TSPAN12: variants seen among roughly 807,000 people sequenced by gnomAD.
TSPAN12 encodes the protein tetraspanin-12.
A neutral mutation model predicts 39.2 loss-of-function variants in TSPAN12; 19 were observed. The ratio of observed to expected loss-of-function variants is 0.49; its 90% CI spans 0.34 to 0.71. The LOEUF (loss-of-function observed/expected upper bound fraction) is 0.71. Ranked by LOEUF, TSPAN12 falls within the 30% of genes least tolerant of loss-of-function variation. TSPAN12 has a pLI of 0.01. For synonymous variants in TSPAN12, 119 were observed against 124.8 expected (o/e 0.95, Z 0.31); for missense variants, 314 against 359.9 (o/e 0.87, Z 1.03).
intron 7 of TSPAN12, among the ~76,000 whole-genome samples, chr7:120,796,971 T>C (rs1348559695): frequency 1.3e-5 from 2 of 152,080 alleles, no homozygotes; most frequent in Admixed American, 6.6e-5. Flanking sequence ...CTGGCTAACA[T>C]GGTGAAACCC....
At chr7:120,830,277 T>G (rs947470981) in intron 4 of TSPAN12, among the ~76,000 whole-genome samples, 10 of 152,144 alleles carry the variant, frequency 6.6e-5, no homozygotes, top group Non-Finnish European at 1.5e-4. Flanking sequence ...ATGTCATTTT[T>G]TTACAGAAAC....
intron 5 of TSPAN12, among the ~76,000 whole-genome samples, chr7:120,815,517 T>G (rs1794062245): frequency 6.6e-6 from 1 of 152,164 alleles, no homozygotes; most frequent in Non-Finnish European, 1.5e-5. Flanking sequence ...CCTCCCACCA[T>G]GTGAAGAAGG....
intron 2 of TSPAN12, among the ~76,000 whole-genome samples, chr7:120,853,844 A>T (rs1794817328): frequency 6.7e-6 from 1 of 149,768 alleles, no homozygotes. Context: ...ACTGGACTGC[A>T]GCCTGGTGAC....
Position 120,847,244 on chromosome 7 carries a change from A to C in TSPAN12, c.67-7135T>G, listed in dbSNP as rs118022204. 2.2e-3 allele frequency among the ~76,000 whole-genome samples: 327 copies of C among 151,398 alleles called. 10 individuals carry two copies. The East Asian group carries it at 0.058, about 27-fold the overall frequency. The stretch of plus-strand genomic sequence containing the variant: ...GAAGAGCTATATGACAAAAAAAAAA[A>C]AAACAAAAAACCAGAGTGAGACTCT... On this transcript the variant is annotated intron_variant, in intron 2 of 7. Coordinates refer to ENST00000222747, the MANE Select transcript of TSPAN12 (RefSeq NM_012338.4).
At chr7:120,807,507 A>G (rs1793897679) in intron 6 of TSPAN12, among the ~76,000 whole-genome samples, 5 of 152,080 alleles carry the variant, frequency 3.3e-5, no homozygotes, top group Admixed American at 3.3e-4. Flanking sequence ...GTGGAGAAGG[A>G]GGTTGCTCTT....
At chr7:120,826,360 G>A (rs1794286355) in intron 4 of TSPAN12, among the ~76,000 whole-genome samples, 1 of 152,102 alleles carries the variant, frequency 6.6e-6, no homozygotes, top group African/African-American at 2.4e-5. Flanking sequence ...TAAAACATCG[G>A]AGCACACTAG....
At chr7:120,821,361 G>C (rs1052525727) in intron 4 of TSPAN12, among the ~76,000 whole-genome samples, 1 of 151,404 alleles carries the variant, frequency 6.6e-6, no homozygotes, top group Non-Finnish European at 1.5e-5. Flanking sequence ...GTTCAAAGAT[G>C]AGTGCCTTCA....
At chr7:120,842,495 C>G (rs1052350851) in intron 2 of TSPAN12, among the ~76,000 whole-genome samples, 3 of 149,150 alleles carry the variant, frequency 2.0e-5, no homozygotes, top group Admixed American at 6.7e-5. Flanking sequence ...AAGGGAAATA[C>G]CCTGCTGAAG....
chr7:120,800,744 G>GGT (rs1554399376), intron 7 of TSPAN12, among the ~76,000 whole-genome samples: 1 of 118,734 alleles, frequency 8.4e-6, no homozygotes, highest in Non-Finnish European at 1.7e-5. Context: ...TTTCCTTATC[G>GGT]TTTTTTTTTG....
rs1294608281 is a variant in TSPAN12 at position 120,787,895 on chromosome 7, A to C, written c.*697T>G. 1 of 152,758 alleles carries C rather than the reference A, an allele frequency of 6.5e-6. No individual in the cohort carries two copies. The highest frequency in any genetic ancestry group is 1.5e-5 in the Non-Finnish European group (1 of 68,128). 9.5% of individuals were successfully genotyped at this position (152,758 alleles called of 1,614,324 possible). Reference sequence around the variant, plus strand: ...GCTTTATTAACAGGAAAGGCTAAAAATAATGATGCTATACAGGACAAATTT... The same window carrying C: ...GCTTTATTAACAGGAAAGGCTAAAACTAATGATGCTATACAGGACAAATTT... On this transcript the variant is annotated 3_prime_UTR_variant, in exon 8 of 8. Transcript: ENST00000222747.
chr7:120,839,174 A>AT (rs1467829596), intron 3 of TSPAN12, among the ~76,000 whole-genome samples: 1 of 152,202 alleles, frequency 6.6e-6, no homozygotes, highest in Non-Finnish European at 1.5e-5. Context: ...AACATATAAT[A>AT]TACAGGACCT....
At chr7:120,856,922 G>T (rs906400197) in intron 1 of TSPAN12, 89 bp from the exon 2 acceptor site, 1 of 734,366 alleles carries the variant, frequency 1.4e-6, no homozygotes, top group African/African-American at 1.7e-5. Context: ...GCCCTCAGCA[G>T]GGTCCAGAGG....
At chr7:120,803,958 A>G (rs1793822032) in intron 7 of TSPAN12, among the ~76,000 whole-genome samples, 1 of 152,222 alleles carries the variant, frequency 6.6e-6, no homozygotes, top group African/African-American at 2.4e-5. Context: ...CTTCAGCTAA[A>G]TAAAGCAAAA....
chr7:120,803,815 T>C lies in TSPAN12; in HGVS notation c.612+2734A>G, dbSNP rs377716287. ...ATTTCAAAATTCATGGAGCAAGCAA[T>C]TATAGATATCCTAAAAGTAAAGCAT... On this transcript the variant is annotated intron_variant, in intron 7 of 7. Coordinates refer to ENST00000222747, the MANE Select transcript of TSPAN12 (RefSeq NM_012338.4). Among the ~76,000 whole-genome samples the C allele has an allele frequency of 5.3e-5, 8 of 152,294 alleles. No homozygotes were observed. In the East Asian group the frequency reaches 9.6e-4, roughly 18 times the overall value.
At chr7:120,855,034 G>A (rs1429179759) in intron 2 of TSPAN12, among the ~76,000 whole-genome samples, 5 of 152,140 alleles carry the variant, frequency 3.3e-5, no homozygotes, top group Admixed American at 3.3e-4. Flanking sequence ...TCAGGAATAG[G>A]TGCTTTTATG....
At position 120,800,744 on chromosome 7, in the gene TSPAN12, G is replaced by GTTTTTTTTTT. The variant is rs148802163; in HGVS notation, c.612+5804_612+5805insAAAAAAAAAA. ...CTGCTGAAATAAAGTTTTCCTTATCGTTTTTTTTTGTTTTTTTTTTTTGAG... is the reference window on the plus strand; with the variant it reads ...CTGCTGAAATAAAGTTTTCCTTATCGTTTTTTTTTTTTTTTTTTTGTTTTTTTTTTTTGAG... On this transcript the variant is annotated intron_variant, in intron 7 of 7. Transcript: ENST00000222747. Among the ~76,000 whole-genome samples the GTTTTTTTTTT allele has an allele frequency of 5.9e-5, 7 of 118,738 alleles. 1 individual carries two copies. Among genetic ancestry groups the GTTTTTTTTTT allele is most frequent in the Non-Finnish European group, 8.5e-5 (5 of 59,024 alleles). 77.9% of individuals were successfully genotyped at this position (118,738 alleles called of 152,430 possible).
intron 2 of TSPAN12, 133 bp downstream of exon 2, chr7:120,856,565 T>A: frequency 1.1e-6 from 1 of 933,234 alleles, no homozygotes; most frequent in Non-Finnish European, 1.7e-6. Flanking sequence ...CAAATTTTAC[T>A]TCTCTGAAAA....
At position 120,833,581 on chromosome 7, in the gene TSPAN12, G is replaced by GA. The variant is rs1222181175; in HGVS notation, c.285+5195dup. Reference sequence around the variant, plus strand: ...CAAAGTCTCTGGAAAAATAAAATTGGAAAAAAAAGCACTTCTCCTTTTAAA... The same window carrying GA: ...CAAAGTCTCTGGAAAAATAAAATTGGAAAAAAAAAGCACTTCTCCTTTTAAA... On this transcript the variant is annotated intron_variant, in intron 4 of 7. Coordinates refer to ENST00000222747, the MANE Select transcript of TSPAN12 (RefSeq NM_012338.4). 4.0e-5 allele frequency among the ~76,000 whole-genome samples: 6 copies of GA among 151,674 alleles called. No homozygotes were observed. The East Asian group carries it at 9.7e-4, about 24-fold the overall frequency.
At chr7:120,812,330 G>C (rs138510670) in intron 5 of TSPAN12, among the ~76,000 whole-genome samples, 1,817 of 152,240 alleles carry the variant, frequency 0.012, 18 homozygotes, top group African/African-American at 0.026. Flanking sequence ...ACAGTATTAA[G>C]GCAACTCTGG....
Sources: gnomAD v4.1 joint callset for allele counts (sites outside exome capture counted in the v4.1 genomes callset) on GRCh38, gnomAD v4.1.1 for gene constraint, MANE v1.5 for transcripts, NCBI Gene and HGNC (gene_info 2026-07-23, HGNC 2026-07-21) for gene names.